The following SGCZ variants were observed in gnomAD, a reference collection of about 807,000 sequenced individuals.
The protein encoded by SGCZ is sarcoglycan zeta, also known as zeta-sarcoglycan.
SGCZ carries 40 observed loss-of-function variants against 41.3 expected under a neutral mutation model. That is an observed-to-expected ratio of 0.97 (90% CI 0.75 to 1.26). SGCZ has a LOEUF of 1.26. Among genes scored for constraint, SGCZ ranks in the 50% most tolerant of loss-of-function variants. The pLI is 0.00. For missense variants in SGCZ, 552 were observed against 369.8 expected (o/e 1.49, Z -4.04); for synonymous variants, 206 against 137.5 (o/e 1.50, Z -3.49).
intron 4 of SGCZ, among the ~76,000 whole-genome samples, chr8:14,207,771 A>G (rs1805665559): frequency 6.6e-6 from 1 of 152,240 alleles, no homozygotes. Context: ...TACTACAACT[A>G]CCTACTTTAG....
Position 14,102,426 on chromosome 8 carries a change from A to T in SGCZ, c.694T>A (p.Phe232Ile). 6.5e-7 allele frequency: 1 copy of T among 1,533,218 alleles called. No individual in the cohort carries two copies. The highest frequency in any genetic ancestry group is 8.9e-7 in the Non-Finnish European group (1 of 1,128,988). 95.0% of individuals were successfully genotyped at this position (1,533,218 alleles called of 1,614,324 possible). The change falls in exon 7 of 8, where the codon TTC (phenylalanine) becomes ATC (isoleucine). Residue 232 changes from phenylalanine to isoleucine, a missense_variant. Physicochemically the swap from Phe to Ile is conservative, Grantham distance 21. Transcript: ENST00000382080. The stretch of plus-strand genomic sequence containing the variant: ...AGCTCCTTCCTGCAGGTGGCCTTGA[A>T]GTCTCCTGCAGCAGCACTCACCTGG... ...GVQVSAAAGD[F>I]KATCRKELHL... is the part of the protein sequence containing the mutation.
chr8:14,713,258 TA>T (rs1485023301), intron 1 of SGCZ, among the ~76,000 whole-genome samples: 3 of 152,278 alleles, frequency 2.0e-5, no homozygotes, highest in Non-Finnish European at 4.4e-5. Context: ...TTAGACAAAT[TA>T]AAATTCAAAA....
intron 1 of SGCZ, among the ~76,000 whole-genome samples, chr8:14,640,182 G>A (rs915206276): frequency 6.6e-6 from 1 of 151,496 alleles, no homozygotes; most frequent in Non-Finnish European, 1.5e-5. Context: ...AATAGTAAAA[G>A]CAATTAAAAT....
chr8:15,186,262 CAAAAAAAAAA>C (rs61237091), intron 1 of SGCZ, among the ~76,000 whole-genome samples: 31 of 80,700 alleles, frequency 3.8e-4, no homozygotes, highest in African/African-American at 7.1e-4. Flanking sequence ...GATTCCGTAC[CAAAAAAAAAA>C]AAAAAAAAAA....
intron 3 of SGCZ, among the ~76,000 whole-genome samples, chr8:14,310,508 T>C (rs1418310595): frequency 2.0e-5 from 3 of 152,152 alleles, no homozygotes; most frequent in Non-Finnish European, 4.4e-5. Context: ...TGTATCTTTT[T>C]TTTATTTTTA....
chr8:14,986,204 T>C (rs1317637350), intron 1 of SGCZ, among the ~76,000 whole-genome samples: 1 of 152,096 alleles, frequency 6.6e-6, no homozygotes, highest in Non-Finnish European at 1.5e-5. Flanking sequence ...TTACAGTAAA[T>C]TCCCTAAATA....
chr8:14,199,215 G>A (rs1430620717), intron 4 of SGCZ, among the ~76,000 whole-genome samples: 1 of 152,144 alleles, frequency 6.6e-6, no homozygotes, highest in African/African-American at 2.4e-5. Flanking sequence ...GTCCCTAAGG[G>A]GAGGACTCTG....
At chr8:14,705,436 T>C (rs1054484774) in intron 1 of SGCZ, among the ~76,000 whole-genome samples, 1 of 151,980 alleles carries the variant, frequency 6.6e-6, no homozygotes, top group Non-Finnish European at 1.5e-5. Flanking sequence ...TTTCCTCATC[T>C]ATAAAATGTG....
chr8:15,227,748 C>G (rs17472547), intron 1 of SGCZ, among the ~76,000 whole-genome samples: 16,956 of 152,150 alleles, frequency 0.11, 1,070 homozygotes, highest in African/African-American at 0.17. Context: ...GCACATGTTG[C>G]AAAACACTGA....
At position 14,400,655 on chromosome 8, in the gene SGCZ, G is replaced by A. The variant is rs140754440; in HGVS notation, c.235-76451C>T. Among the ~76,000 whole-genome samples the A allele has an allele frequency of 2.0e-4, 30 of 152,156 alleles. No individual in the cohort carries two copies. The East Asian group carries it at 5.0e-3, about 25-fold the overall frequency. ...CATACTGAATACATGAACTTTGCAT[G>A]TCTTAAATATTTTATGATCGTACTA... On this transcript the variant is annotated intron_variant, in intron 2 of 7. Coordinates refer to ENST00000382080, the MANE Select transcript of SGCZ (RefSeq NM_139167.4).
intron 1 of SGCZ, among the ~76,000 whole-genome samples, chr8:14,562,078 G>A (rs1804222879): frequency 6.6e-6 from 1 of 152,034 alleles, no homozygotes; most frequent in Admixed American, 6.6e-5. Context: ...CTACTGATCT[G>A]GATGGTATGG....
chr8:15,102,532 T>A (rs553149217), intron 1 of SGCZ, among the ~76,000 whole-genome samples: 21 of 152,236 alleles, frequency 1.4e-4, no homozygotes, highest in African/African-American at 4.6e-4. Flanking sequence ...TTGTTTGTAA[T>A]GATGTATCCA....
intron 5 of SGCZ, among the ~76,000 whole-genome samples, chr8:14,154,770 A>G (rs3888260): frequency 0.5 from 76,591 of 151,880 alleles, 20,077 homozygotes; most frequent in East Asian, 0.73. Flanking sequence ...TTACTCTTCT[A>G]ATACAGGCAC....
At chr8:14,653,787 C>T (rs1807476118) in intron 1 of SGCZ, among the ~76,000 whole-genome samples, 2 of 151,930 alleles carry the variant, frequency 1.3e-5, no homozygotes, top group South Asian at 2.1e-4. Flanking sequence ...CCAAAGTTAG[C>T]AAAATGAAAA....
intron 2 of SGCZ, among the ~76,000 whole-genome samples, chr8:14,538,613 A>C (rs754212876): frequency 1.2e-4 from 19 of 152,022 alleles, no homozygotes; most frequent in Non-Finnish European, 1.9e-4. Flanking sequence ...GAATAATTAT[A>C]ACTTTTCTCC....
intron 1 of SGCZ, chr8:14,879,269 A>T (rs1449388964): frequency 2.6e-5 from 4 of 152,342 alleles, no homozygotes; most frequent in South Asian, 2.1e-4. Flanking sequence ...TTGAGGCTGC[A>T]TTCAGCTGTG....
intron 1 of SGCZ, among the ~76,000 whole-genome samples, chr8:14,637,112 C>G (rs1806855382): frequency 6.6e-6 from 1 of 151,198 alleles, no homozygotes; most frequent in African/African-American, 2.4e-5. Flanking sequence ...TGCTCCTTTC[C>G]TTAAAGAATT....
In SGCZ at chr8:14,560,443, G is replaced by T. The variant is rs77425396; in HGVS notation, c.40-5517C>A. On this transcript the variant is annotated intron_variant, in intron 1 of 7. Transcript: ENST00000382080. ...GGGAAGAACAAGGAGGAGCGGAGAAGGGGAAGAATGTGGATGTAGGAGGAG... is the reference window on the plus strand; with the variant it reads ...GGGAAGAACAAGGAGGAGCGGAGAATGGGAAGAATGTGGATGTAGGAGGAG... Among the ~76,000 whole-genome samples, 12 of 152,090 alleles carry T rather than the reference G, an allele frequency of 7.9e-5. No individual in the cohort carries two copies. In the East Asian group the frequency reaches 2.3e-3, roughly 30 times the overall value.
chr8:15,133,149 T>A (rs934862466), intron 1 of SGCZ, among the ~76,000 whole-genome samples: 6 of 151,200 alleles, frequency 4.0e-5, no homozygotes, highest in South Asian at 2.1e-4. Context: ...TCTCAAAATA[T>A]ATAAATAAAT....
Sources: allele counts gnomAD v4.1 joint callset (sites outside exome capture counted in the v4.1 genomes callset), GRCh38; gene constraint gnomAD v4.1.1; transcripts MANE v1.5; gene names NCBI Gene and HGNC (gene_info 2026-07-23, HGNC 2026-07-21).